The following ZFR variants were observed in gnomAD, a reference collection of about 807,000 sequenced individuals.
The protein encoded by ZFR is zinc finger RNA-binding protein.
In ZFR, 19 loss-of-function variants were observed where a neutral mutation model predicts 130.7. That is an observed-to-expected ratio of 0.15 (90% confidence interval 0.10 to 0.21). The LOEUF (loss-of-function observed/expected upper bound fraction) is 0.21. ZFR is among the 10% of genes least tolerant of loss of function. ZFR has a pLI of 1.00. For synonymous variants in ZFR, 466 were observed against 456.9 expected (o/e 1.02, Z -0.25); for missense variants, 872 against 1,321.5 (o/e 0.66, Z 5.27).
At chr5:32,410,594 T>C (rs1307636806) in intron 5 of ZFR, among the ~76,000 whole-genome samples, 3 of 135,406 alleles carry the variant, frequency 2.2e-5, no homozygotes, top group Non-Finnish European at 4.7e-5. Context: ...GGTGATGGAA[T>C]GAGACCTAGT....
chr5:32,409,802 C>T (rs1753659172), intron 5 of ZFR, among the ~76,000 whole-genome samples: 1 of 152,136 alleles, frequency 6.6e-6, no homozygotes, highest in African/African-American at 2.4e-5. Context: ...TCATTTCTCT[C>T]TTTGAGGCTC....
intron 5 of ZFR, among the ~76,000 whole-genome samples, chr5:32,410,879 A>G (rs1186064482): frequency 6.6e-6 from 1 of 152,212 alleles, no homozygotes; most frequent in East Asian, 1.9e-4. Context: ...TGTGTATCAC[A>G]TAGTCTTTAA....
At chr5:32,427,273 G>GTCCC (rs1754094040) in intron 2 of ZFR, among the ~76,000 whole-genome samples, 1 of 148,570 alleles carries the variant, frequency 6.7e-6, no homozygotes, top group Non-Finnish European at 1.5e-5. Flanking sequence ...CGTGCATGTA[G>GTCCC]TCCCAGCTAC....
At chr5:32,389,024 G>A (rs1326071260) in intron 12 of ZFR, among the ~76,000 whole-genome samples, 3 of 152,182 alleles carry the variant, frequency 2.0e-5, no homozygotes, top group Non-Finnish European at 4.4e-5. Context: ...CCAACCCTCT[G>A]AGCAAAGATA....
At chr5:32,389,139 T>C (rs1336619130) in intron 12 of ZFR, among the ~76,000 whole-genome samples, 1 of 152,218 alleles carries the variant, frequency 6.6e-6, no homozygotes, top group African/African-American at 2.4e-5. Flanking sequence ...AAGATGTCCC[T>C]TTTACCCAGC....
At chr5:32,424,407 T>C (rs2111834026) in intron 2 of ZFR, among the ~76,000 whole-genome samples, 1 of 152,114 alleles carries the variant, frequency 6.6e-6, no homozygotes, top group Admixed American at 6.5e-5. Flanking sequence ...GGCGGGCACC[T>C]GTAGTCCCGG....
intron 19 of ZFR, among the ~76,000 whole-genome samples, chr5:32,363,367 A>G (rs1222851730): frequency 6.6e-6 from 1 of 152,182 alleles, no homozygotes; most frequent in Non-Finnish European, 1.5e-5. Flanking sequence ...ATACTAGCTA[A>G]CATTTAAGAT....
chr5:32,430,252 T>C (rs1050389444), intron 2 of ZFR, among the ~76,000 whole-genome samples: 1 of 152,112 alleles, frequency 6.6e-6, no homozygotes, highest in Non-Finnish European at 1.5e-5. Context: ...AAACTAAGAC[T>C]AAGGAACAAG....
intron 12 of ZFR, 42 bp downstream of exon 12, chr5:32,390,233 A>G (rs1296842219): frequency 6.3e-7 from 1 of 1,587,568 alleles, no homozygotes; most frequent in South Asian, 1.1e-5. Flanking sequence ...ATGCTGAACC[A>G]GTCAAACTTT....
intron 4 of ZFR, among the ~76,000 whole-genome samples, chr5:32,415,523 C>CGCGTGCGT (rs1554073621): frequency 2.3e-5 from 3 of 132,036 alleles, no homozygotes; most frequent in Non-Finnish European, 4.9e-5. Context: ...TGTGCGCGCG[C>CGCGTGCGT]GCGCGCGCGC....
intron 8 of ZFR, among the ~76,000 whole-genome samples, chr5:32,402,733 G>A (rs1283905586): frequency 1.3e-5 from 2 of 151,148 alleles, no homozygotes; most frequent in African/African-American, 4.9e-5. Context: ...AGCCAAGATC[G>A]TGCTACTGCA....
chr5:32,378,857 T>A (rs1413455351), intron 17 of ZFR, among the ~76,000 whole-genome samples: 19 of 104,860 alleles, frequency 1.8e-4, no homozygotes, highest in African/African-American at 7.6e-4. Context: ...TAATAAATGC[T>A]GTAATATTAA....
chr5:32,394,652 T>C (rs1753257998), intron 11 of ZFR, among the ~76,000 whole-genome samples: 4 of 152,210 alleles, frequency 2.6e-5, no homozygotes, highest in African/African-American at 9.6e-5. Flanking sequence ...ATTGTGGTGA[T>C]TGTTACACAA....
At chr5:32,358,677 T>G (rs1752366485) in intron 19 of ZFR, among the ~76,000 whole-genome samples, 1 of 149,836 alleles carries the variant, frequency 6.7e-6, no homozygotes, top group Non-Finnish European at 1.5e-5. Context: ...TATCCTCTTC[T>G]CCCTCTGAAA....
intron 2 of ZFR, among the ~76,000 whole-genome samples, chr5:32,443,409 C>G (rs945839842): frequency 2.0e-5 from 3 of 152,262 alleles, no homozygotes; most frequent in Non-Finnish European, 4.4e-5. Flanking sequence ...TCTTCCCTCC[C>G]CACCATTCCC....
intron 8 of ZFR, 95 bp downstream of exon 8, chr5:32,403,011 C>A: frequency 8.1e-7 from 1 of 1,242,056 alleles, no homozygotes; most frequent in Non-Finnish European, 1.1e-6. Context: ...AGGGAGGAGG[C>A]AGGTCCAAGA....
At chr5:32,366,764 T>G (rs570474553) in intron 17 of ZFR, among the ~76,000 whole-genome samples, 1 of 152,122 alleles carries the variant, frequency 6.6e-6, no homozygotes, top group Non-Finnish European at 1.5e-5. Context: ...TTGGAGGCTA[T>G]AATTATATAA....
chr5:32,388,808 A>C, intron 12 of ZFR, 134 bp from the exon 13 acceptor site: 1 of 850,848 alleles, frequency 1.2e-6, no homozygotes, highest in South Asian at 1.9e-5. Context: ...TTTCAGTAAA[A>C]ACGAAAATGC....
chr5:32,429,672 C>G (rs1754159494), intron 2 of ZFR, among the ~76,000 whole-genome samples: 1 of 152,154 alleles, frequency 6.6e-6, no homozygotes, highest in Non-Finnish European at 1.5e-5. Context: ...AAATACTTAA[C>G]CTCTGTAACT....
Sources: allele counts gnomAD v4.1 joint callset (sites outside exome capture counted in the v4.1 genomes callset), GRCh38; gene constraint gnomAD v4.1.1; transcripts MANE v1.5; gene names NCBI Gene and HGNC (gene_info 2026-07-23, HGNC 2026-07-21).